The following CBX7 variants were observed in gnomAD, a reference collection of about 807,000 sequenced individuals.
The protein encoded by CBX7 is chromobox 7.
In CBX7, 14 loss-of-function variants were observed where a neutral mutation model predicts 31.4. The observed-to-expected ratio is 0.45, with a 90% CI of 0.29 to 0.70. The LOEUF is 0.70. CBX7 is among the 30% of genes least tolerant of loss of function. The probability of loss-of-function intolerance (pLI) is 0.11; values close to 1 mark genes in which losing one functional copy is unlikely to be tolerated. For synonymous variants in CBX7, 159 were observed against 152.6 expected, an observed-to-expected ratio of 1.04 and a Z score of -0.31; for missense variants, 269 against 351.9, an observed-to-expected ratio of 0.76 and a Z score of 1.89.
rs1930910207 is a variant in CBX7, at chr22:39,152,676, AG to A, written c.-233del. On this transcript the variant is annotated 5_prime_UTR_variant, in exon 1 of 6. Transcript: ENST00000216133. The surrounding 1 kb of genome is among the most constrained non-coding windows in gnomAD (Gnocchi z 4.9). ...CGCCAGCGAGCGAGCGCGCGCAAGG[AG>A]GGGGCGGGGCGGGAGCGCGCGGAAC... is the stretch of plus-strand genomic sequence containing the variant. 1 of 148,138 alleles carries A rather than the reference AG, an allele frequency of 6.8e-6. No homozygotes were observed. The highest frequency in any genetic ancestry group is 2.5e-5 in the African/African-American group (1 of 40,650). 9.2% of individuals were successfully genotyped at this position (148,138 alleles called of 1,614,324 possible).
At chr22:39,150,971 C>T (rs569252796) in intron 1 of CBX7, among the ~76,000 whole-genome samples, 1 of 152,232 alleles carries the variant, frequency 6.6e-6, no homozygotes, top group Non-Finnish European at 1.5e-5. Flanking sequence ...TCTCCTCATT[C>T]ACTGTGTGCC....
chr22:39,152,558 G>T lies in CBX7; in HGVS notation c.-114C>A. 3.3e-6 allele frequency: 1 copy of T among 302,782 alleles called. No homozygotes were observed. Among genetic ancestry groups the T allele is most frequent in the African/African-American group, 2.3e-5 (1 of 43,900 alleles). The allele number at this position is 302,782 out of a possible 1,614,324, so 18.8% of individuals were successfully genotyped here. On this transcript the variant is annotated 5_prime_UTR_variant, in exon 1 of 6. Transcript: ENST00000216133. This position sits in a 1 kb window ranked among gnomAD's most constrained non-coding sequence, Gnocchi z 4.9. ...GCGGGGTCCCCGTCACCCTCGTCCGGGCGCGCACGCGCACGCGCACGCGCG... is the reference window on the plus strand; with the variant it reads ...GCGGGGTCCCCGTCACCCTCGTCCGTGCGCGCACGCGCACGCGCACGCGCG...
At chr22:39,141,109 G>T in intron 3 of CBX7, 1 of 459,876 alleles carries the variant, frequency 2.2e-6, no homozygotes, top group Non-Finnish European at 3.9e-6. Context: ...TCTTCAGGGT[G>T]GCCCATTTGA....
intron 3 of CBX7, 31 bp downstream of exon 3, chr22:39,141,340 G>T: frequency 6.3e-7 from 1 of 1,595,938 alleles, no homozygotes; most frequent in Non-Finnish European, 8.5e-7. Context: ...CCGGCCCTAA[G>T]CCCCACCCGG....
intron 4 of CBX7, among the ~76,000 whole-genome samples, chr22:39,137,869 T>A (rs1268310178): frequency 2.0e-5 from 3 of 152,192 alleles, no homozygotes; most frequent in Non-Finnish European, 4.4e-5. Context: ...ATTCCAAGGC[T>A]GTAGTTCTAC....
rs1014179544 is a variant in CBX7 at position 39,130,857 on chromosome 22, C to T, written c.*3034G>A. On this transcript the variant is annotated 3_prime_UTR_variant, in exon 6 of 6. Coordinates refer to ENST00000216133, the MANE Select transcript of CBX7 (RefSeq NM_175709.5). ...GATAAATCATCTAAATAAATAGATG[C>T]TATACAGTCTCTTACCAATGTCAGT... The T allele has an allele frequency of 2.6e-5, 4 of 152,508 alleles. No homozygotes were observed. The highest frequency in any genetic ancestry group is 5.9e-5 in the Non-Finnish European group (4 of 68,020). The allele number at this position is 152,508 out of a possible 1,614,324, so 9.4% of individuals were successfully genotyped here.
intron 4 of CBX7, chr22:39,135,002 C>T (rs2146351534): frequency 4.3e-6 from 2 of 470,254 alleles, no homozygotes; most frequent in East Asian, 6.7e-5. Context: ...AGCGTTTACT[C>T]CTTTGATACC....
intron 4 of CBX7, chr22:39,135,393 A>C (rs1364326811): frequency 1.3e-5 from 2 of 152,268 alleles, no homozygotes; most frequent in African/African-American, 4.8e-5. Context: ...CCACCCCTGG[A>C]GTTTGTAATG....
rs1930084342 is a variant in CBX7 at position 39,132,562 on chromosome 22, T to C, written c.*1329A>G. 1.3e-5 allele frequency: 2 copies of C among 152,522 alleles called. No homozygotes were observed. Among genetic ancestry groups the C allele is most frequent in the Non-Finnish European group, 2.9e-5 (2 of 68,180 alleles). 9.4% of individuals were successfully genotyped at this position (152,522 alleles called of 1,614,324 possible). A position where few individuals can be genotyped will look rare whatever the true frequency, so the allele number is the denominator to read the frequency against. Reference sequence around the variant, plus strand: ...CAAGTGCACCTTGCCAGGGGTGGGCTGGGGCAAAGCCTGCCCATCACACAG... The same window carrying C: ...CAAGTGCACCTTGCCAGGGGTGGGCCGGGGCAAAGCCTGCCCATCACACAG... On this transcript the variant is annotated 3_prime_UTR_variant, in exon 6 of 6. Coordinates refer to ENST00000216133, the MANE Select transcript of CBX7 (RefSeq NM_175709.5).
chr22:39,143,381 T>C (rs991988498), intron 2 of CBX7, among the ~76,000 whole-genome samples: 4 of 152,164 alleles, frequency 2.6e-5, no homozygotes, highest in Non-Finnish European at 1.5e-5. Context: ...TGTACAGCCA[T>C]ACATGTTTAT....
intron 5 of CBX7, 59 bp downstream of exon 5, chr22:39,134,342 C>T (rs1194888234): frequency 7.2e-7 from 1 of 1,390,710 alleles, no homozygotes; most frequent in South Asian, 1.3e-5. Flanking sequence ...ACCAGCTGGA[C>T]CTTATGACCC....
intron 3 of CBX7, 139 bp downstream of exon 3, chr22:39,141,232 C>T: frequency 1.6e-6 from 1 of 640,140 alleles, no homozygotes; most frequent in Non-Finnish European, 2.7e-6. Flanking sequence ...ACCATTTTCA[C>T]CCAGCTGCAG....
Position 39,131,116 on chromosome 22 carries a change from G to A in CBX7, c.*2775C>T, listed in dbSNP as rs1334960474. ...CTAAACCACCTCACAGAAGCACAGCGCCTGCCCCCAGAACAAGGGGACAGG... is the reference window on the plus strand; with the variant it reads ...CTAAACCACCTCACAGAAGCACAGCACCTGCCCCCAGAACAAGGGGACAGG... On this transcript the variant is annotated 3_prime_UTR_variant, in exon 6 of 6. Transcript: ENST00000216133. 5 of 152,610 alleles carry A rather than the reference G, an allele frequency of 3.3e-5. No individual in the cohort carries two copies. Among genetic ancestry groups the A allele is most frequent in the South Asian group, 4.1e-4 (2 of 4,832 alleles). The allele number at this position is 152,610 out of a possible 1,614,324, so 9.5% of individuals were successfully genotyped here.
chr22:39,149,359 T>G, intron 2 of CBX7: 1 of 204,470 alleles, frequency 4.9e-6, no homozygotes, highest in Non-Finnish European at 9.9e-6. Flanking sequence ...CGTCTAGAGG[T>G]GAGGGGGATT....
rs2146346959 is a variant in CBX7 at position 39,132,257 on chromosome 22, C to T, written c.*1634G>A. 1 of 152,382 alleles carries T rather than the reference C, an allele frequency of 6.6e-6. No individual in the cohort carries two copies. Among genetic ancestry groups the T allele is most frequent in the South Asian group, 2.1e-4 (1 of 4,826 alleles). 9.4% of individuals were successfully genotyped at this position (152,382 alleles called of 1,614,324 possible). A position where few individuals can be genotyped will look rare whatever the true frequency, so the allele number is the denominator to read the frequency against. On this transcript the variant is annotated 3_prime_UTR_variant, in exon 6 of 6. Transcript: ENST00000216133. ...GAAGGGATTTGGGGAAAGAATCACC[C>T]TCTCCTTGCCTCAGTAGACTCTGTG...
At chr22:39,135,560 A>C (rs2146352287) in intron 4 of CBX7, 1 of 152,382 alleles carries the variant, frequency 6.6e-6, no homozygotes, top group Admixed American at 6.5e-5. Flanking sequence ...TGCAGCCATC[A>C]GATGGGACCT....
In CBX7 at chr22:39,133,845, C is replaced by T; in HGVS notation, c.*46G>A. 6.6e-7 allele frequency: 1 copy of T among 1,519,312 alleles called. No homozygotes were observed. The allele number at this position is 1,519,312 out of a possible 1,614,324, so 94.1% of individuals were successfully genotyped here. On this transcript the variant is annotated 3_prime_UTR_variant, in exon 6 of 6. Coordinates refer to ENST00000216133, the MANE Select transcript of CBX7 (RefSeq NM_175709.5). The stretch of plus-strand genomic sequence containing the variant: ...CCCATCCCTATCTCTGGAAGTCCCA[C>T]CCCAAGCCCAAAAGAAAACAGTTTA...
In CBX7 at chr22:39,131,199, G is replaced by C. The variant is rs745405660; in HGVS notation, c.*2692C>G. On this transcript the variant is annotated 3_prime_UTR_variant, in exon 6 of 6. Coordinates refer to ENST00000216133, the MANE Select transcript of CBX7 (RefSeq NM_175709.5). ...GCAGTGACAGTCCTGCATTCCAGGCGGCTGTGCCAGGGGTGGGGGTACCTC... is the reference window on the plus strand; with the variant it reads ...GCAGTGACAGTCCTGCATTCCAGGCCGCTGTGCCAGGGGTGGGGGTACCTC... 2 of 152,588 alleles carry C rather than the reference G, an allele frequency of 1.3e-5. No individual in the cohort carries two copies. The highest frequency in any genetic ancestry group is 4.8e-5 in the African/African-American group (2 of 41,418). The allele number at this position is 152,588 out of a possible 1,614,324, so 9.5% of individuals were successfully genotyped here. A position where few individuals can be genotyped will look rare whatever the true frequency, so the allele number is the denominator to read the frequency against.
At chr22:39,142,053 G>C (rs1190577151) in intron 2 of CBX7, among the ~76,000 whole-genome samples, 1 of 152,216 alleles carries the variant, frequency 6.6e-6, no homozygotes, top group Non-Finnish European at 1.5e-5. Context: ...AGGCAAGAGA[G>C]GATGAAAAGG....
Sources: allele counts gnomAD v4.1 joint callset (sites outside exome capture counted in the v4.1 genomes callset), GRCh38; gene constraint gnomAD v4.1.1; non-coding constraint Gnocchi (gnomAD v3.1); transcripts MANE v1.5; gene names NCBI Gene and HGNC (gene_info 2026-07-23, HGNC 2026-07-21).